Variants in PAX2 observed in about 807,000 individuals in gnomAD.
The protein encoded by PAX2 is paired box protein Pax-2.
In PAX2, 9 loss-of-function variants were observed where a neutral mutation model predicts 41.7. That is an observed-to-expected ratio of 0.22 (90% CI 0.13 to 0.38). The LOEUF (loss-of-function observed/expected upper bound fraction) is 0.38, where lower values mean the gene tolerates loss of function less well. Among genes scored for constraint, PAX2 ranks in the 10% least tolerant of loss-of-function variants. The probability of loss-of-function intolerance (pLI) is 1.00; values close to 1 mark genes in which losing one functional copy is unlikely to be tolerated. For missense variants in PAX2, 418 were observed against 531.6 expected (o/e 0.79, Z 2.10); for synonymous variants, 221 against 212.7 (o/e 1.04, Z -0.34).
intron 3 of PAX2, among the ~76,000 whole-genome samples, chr10:100,763,543 G>T (rs1845908513): frequency 6.6e-6 from 1 of 152,224 alleles, no homozygotes; most frequent in South Asian, 2.1e-4. Context: ...ATTGGAACGA[G>T]CACAGCTGGT....
At chr10:100,774,011 A>G (rs1399587367) in intron 3 of PAX2, among the ~76,000 whole-genome samples, 2 of 152,120 alleles carry the variant, frequency 1.3e-5, no homozygotes, top group African/African-American at 4.8e-5. Context: ...AGACAAAGAG[A>G]GGGGAAGTGG....
chr10:100,782,541 G>A (rs954248520), intron 5 of PAX2, among the ~76,000 whole-genome samples: 1 of 152,250 alleles, frequency 6.6e-6, no homozygotes, highest in African/African-American at 2.4e-5. Flanking sequence ...AGGGAAGAGA[G>A]TGGGAGAGGC....
intron 7 of PAX2, among the ~76,000 whole-genome samples, chr10:100,809,807 C>A (rs996179791): frequency 6.6e-6 from 1 of 152,238 alleles, no homozygotes; most frequent in African/African-American, 2.4e-5. Context: ...GGCTTGATTT[C>A]AAGGCCAGGT....
chr10:100,753,838 C>T (rs576652434), intron 3 of PAX2, among the ~76,000 whole-genome samples: 52 of 152,352 alleles, frequency 3.4e-4, no homozygotes, highest in African/African-American at 1.3e-3. Flanking sequence ...GCCTGGCCAT[C>T]CAGCCTGTAT....
chr10:100,770,504 A>T, intron 3 of PAX2, among the ~76,000 whole-genome samples: 1 of 152,224 alleles, frequency 6.6e-6, no homozygotes, highest in East Asian at 1.9e-4. Context: ...TTTTAAACCT[A>T]TGCATATCTT....
At chr10:100,787,059 T>TG in intron 5 of PAX2, 1 of 1,124,284 alleles carries the variant, frequency 8.9e-7, no homozygotes, top group East Asian at 4.2e-5. Context: ...GGAAATAGCT[T>TG]GGGGGTGGCG....
intron 7 of PAX2, among the ~76,000 whole-genome samples, chr10:100,813,682 C>T (rs951600623): frequency 3.3e-5 from 5 of 152,170 alleles, no homozygotes; most frequent in Admixed American, 6.5e-5. Context: ...GACATGGAGA[C>T]GCCAAGCCTG....
At chr10:100,799,970 A>G (rs940513742) in intron 5 of PAX2, among the ~76,000 whole-genome samples, 1 of 151,874 alleles carries the variant, frequency 6.6e-6, no homozygotes, top group East Asian at 1.9e-4. Context: ...TATTTTTAGT[A>G]GAGATGGGGT....
intron 7 of PAX2, among the ~76,000 whole-genome samples, chr10:100,812,483 A>G (rs1848027242): frequency 6.6e-6 from 1 of 152,044 alleles, no homozygotes; most frequent in African/African-American, 2.4e-5. Flanking sequence ...TGTGGCTGGT[A>G]CCTCTCATCA....
upstream of PAX2, among the ~76,000 whole-genome samples, chr10:100,741,094 T>G (rs887649885): frequency 6.6e-6 from 1 of 151,866 alleles, no homozygotes; most frequent in African/African-American, 2.4e-5. Context: ...AGACCTCTTG[T>G]GAGGGGAAGC....
At chr10:100,778,939 C>G (rs544659404) in intron 3 of PAX2, among the ~76,000 whole-genome samples, 41 of 152,262 alleles carry the variant, frequency 2.7e-4, no homozygotes, top group Non-Finnish European at 4.9e-4. Flanking sequence ...GTGTTGGAGT[C>G]CTGGGGACAA....
Position 100,827,401 on chromosome 10 carries a change from GCTCCA to G in PAX2, c.1109-139_1109-135del, listed in dbSNP as rs1417603497. The G allele has an allele frequency of 7.2e-6, 6 of 834,138 alleles. No individual in the cohort carries two copies. Among genetic ancestry groups the G allele is most frequent in the Non-Finnish European group, 1.2e-5 (6 of 495,150 alleles). The allele number at this position is 834,138 out of a possible 1,614,324, so 51.7% of individuals were successfully genotyped here. Reference sequence around the variant, plus strand: ...ACGCAACTATTCTCCGGGGCAACTGGCTCCACTGCCCAGCCAAGGTCTCCCAGTCC... The same window carrying G: ...ACGCAACTATTCTCCGGGGCAACTGGCTGCCCAGCCAAGGTCTCCCAGTCC... On this transcript the variant is annotated intron_variant, in intron 9 of 9. Transcript: ENST00000355243. The surrounding 1 kb of genome is among the most constrained non-coding windows in gnomAD (Gnocchi z 8.5).
At chr10:100,739,812 C>T (rs947444360) in intron 1 of PAX2, among the ~76,000 whole-genome samples, 1 of 152,224 alleles carries the variant, frequency 6.6e-6, no homozygotes, top group African/African-American at 2.4e-5. Context: ...AGGCCGCGGG[C>T]TCCGGGCCGG....
chr10:100,825,082 A>G (rs1182471657), intron 8 of PAX2: 2 of 955,036 alleles, frequency 2.1e-6, no homozygotes, highest in Non-Finnish European at 3.4e-6. Flanking sequence ...CACCCCAGCC[A>G]GCTGACACTG....
At chr10:100,799,386 C>T (rs374348920) in intron 5 of PAX2, among the ~76,000 whole-genome samples, 2 of 152,226 alleles carry the variant, frequency 1.3e-5, no homozygotes, top group African/African-American at 2.4e-5. Context: ...CCTGTTTCCT[C>T]GTTTGTAAAA....
chr10:100,819,525 G>A (rs770541275), intron 7 of PAX2, among the ~76,000 whole-genome samples: 3 of 152,140 alleles, frequency 2.0e-5, no homozygotes, highest in Non-Finnish European at 2.9e-5. Context: ...AGCCGAGATC[G>A]TGCCACTGCT....
At chr10:100,770,144 A>G (rs1269888210) in intron 3 of PAX2, among the ~76,000 whole-genome samples, 1 of 152,224 alleles carries the variant, frequency 6.6e-6, no homozygotes, top group Non-Finnish European at 1.5e-5. Context: ...GAGGCCAGGC[A>G]GTCACTAGCG....
chr10:100,736,622 T>A (rs1352218795), intron 1 of PAX2, among the ~76,000 whole-genome samples: 2 of 151,804 alleles, frequency 1.3e-5, no homozygotes, highest in Admixed American at 6.6e-5. Context: ...TTCCAGTTGT[T>A]TCAGCTGATA....
chr10:100,770,765 T>A (rs1371858609), intron 3 of PAX2, among the ~76,000 whole-genome samples: 1 of 152,260 alleles, frequency 6.6e-6, no homozygotes, highest in South Asian at 2.1e-4. Flanking sequence ...ATTTTGAAAT[T>A]ATTTCAATTT....
Sources: gnomAD v4.1 joint callset for allele counts (sites outside exome capture counted in the v4.1 genomes callset) on GRCh38, gnomAD v4.1.1 for gene constraint, Gnocchi (gnomAD v3.1) non-coding constraint, MANE v1.5 for transcripts, NCBI Gene and HGNC (gene_info 2026-07-23, HGNC 2026-07-21) for gene names.